The following AGO4 variants were observed in gnomAD, a reference collection of about 807,000 sequenced individuals.
The protein encoded by AGO4 is argonaute RISC component 4.
AGO4 carries 33 observed loss-of-function variants against 104.7 expected under a neutral mutation model. That is an observed-to-expected ratio of 0.32 (90% CI 0.24 to 0.42). AGO4 has a LOEUF of 0.42. Among genes scored for constraint, AGO4 ranks in the 10% least tolerant of loss-of-function variants. The pLI is 1.00. For missense variants in AGO4, 711 were observed against 1,083.4 expected (o/e 0.66, Z 4.83); for synonymous variants, 331 against 364.7 (o/e 0.91, Z 1.05).
chr1:35,844,185 G>T (rs1012877902), intron 15 of AGO4, among the ~76,000 whole-genome samples: 8 of 152,052 alleles, frequency 5.3e-5, no homozygotes, highest in African/African-American at 1.4e-4. Flanking sequence ...GGGACTACAG[G>T]CACTCACCAT....
chr1:35,826,766 C>T lies in AGO4; in HGVS notation c.779C>T (p.Thr260Ile). ...KEIRGLKVEV[T>I]HCGQMKRKYR... Reference sequence around the variant, plus strand: ...ATTTCAGGTCTCAAAGTTGAGGTGACCCACTGTGGACAGATGAAACGAAAA... The same window carrying T: ...ATTTCAGGTCTCAAAGTTGAGGTGATCCACTGTGGACAGATGAAACGAAAA... Residue 260 changes from threonine to isoleucine, a missense_variant, in exon 7 of 18, where the codon ACC becomes ATC. Around this residue, in one of 3 missense-constraint regions of AGO4, gnomAD observed 308 missense variants for 397.8 expected, o/e 0.77. Coordinates refer to ENST00000373210, the MANE Select transcript of AGO4 (RefSeq NM_017629.4). The T allele has an allele frequency of 6.2e-7, 1 of 1,614,086 alleles. No individual in the cohort carries two copies.
chr1:35,834,310 C>T (rs1420898281), intron 12 of AGO4, 136 bp downstream of exon 12: 2 of 749,246 alleles, frequency 2.7e-6, no homozygotes, highest in Non-Finnish European at 3.8e-6. Context: ...TTTCTTGCTC[C>T]TGTTATGCAT....
intron 2 of AGO4, among the ~76,000 whole-genome samples, chr1:35,818,622 T>C (rs1003307266): frequency 2.8e-5 from 3 of 108,140 alleles, no homozygotes; most frequent in African/African-American, 1.2e-4. Flanking sequence ...AGACTCTGTC[T>C]CAAAAAGAAA....
chr1:35,824,991 C>G (rs1643977289), intron 3 of AGO4, among the ~76,000 whole-genome samples: 1 of 152,116 alleles, frequency 6.6e-6, no homozygotes, highest in African/African-American at 2.4e-5. Context: ...CTTTCTGTCC[C>G]TTTAAATTTG....
chr1:35,812,591 CA>C (rs1283207368), intron 1 of AGO4, among the ~76,000 whole-genome samples: 2 of 151,974 alleles, frequency 1.3e-5, no homozygotes. Flanking sequence ...TTTCTTACAA[CA>C]TTTTTTTTCT....
intron 7 of AGO4, among the ~76,000 whole-genome samples, chr1:35,827,879 G>A (rs1216966207): frequency 7.0e-6 from 1 of 143,136 alleles, no homozygotes; most frequent in Non-Finnish European, 1.5e-5. Context: ...AGACTTCCAA[G>A]TAGTGGGATT....
chr1:35,826,673 A>T, intron 6 of AGO4, 75 bp from the exon 7 acceptor site: 1 of 1,255,776 alleles, frequency 8.0e-7, no homozygotes, highest in Non-Finnish European at 1.1e-6. Context: ...TGACATTTTG[A>T]AGACAACATT....
At chr1:35,832,606 C>G in intron 11 of AGO4, 36 bp downstream of exon 11, 1 of 1,604,732 alleles carries the variant, frequency 6.2e-7, no homozygotes. Context: ...AGTAATATCC[C>G]TTCCAGATAT....
intron 2 of AGO4, among the ~76,000 whole-genome samples, chr1:35,818,478 G>A (rs531552620): frequency 3.3e-5 from 5 of 152,146 alleles, no homozygotes; most frequent in Non-Finnish European, 7.4e-5. Context: ...ACAAAAATTA[G>A]CTGGGCATAG....
chr1:35,821,969 C>T (rs1201442708), intron 2 of AGO4, among the ~76,000 whole-genome samples: 1 of 151,804 alleles, frequency 6.6e-6, no homozygotes, highest in African/African-American at 2.4e-5. Context: ...CTCACTGCAA[C>T]CCCTGCCTCC....
Position 35,846,514 on chromosome 1 carries a change from G to A in AGO4, c.2176-3643G>A, listed in dbSNP as rs773592000. 5.9e-5 allele frequency among the ~76,000 whole-genome samples: 9 copies of A among 151,772 alleles called. No individual in the cohort carries two copies. In the South Asian group the frequency reaches 1.0e-3, roughly 18 times the overall value. ...CGGGAGGCTGAGACAGGAGAATGGCGTGAATCCGGGAGGTGGAGCTTGCAG... is the reference window on the plus strand; with the variant it reads ...CGGGAGGCTGAGACAGGAGAATGGCATGAATCCGGGAGGTGGAGCTTGCAG... On this transcript the variant is annotated intron_variant, in intron 15 of 17. Transcript: ENST00000373210.
At chr1:35,832,767 A>C (rs1644215292) in intron 11 of AGO4, among the ~76,000 whole-genome samples, 197 bp downstream of exon 11, 2 of 152,186 alleles carry the variant, frequency 1.3e-5, no homozygotes, top group Non-Finnish European at 2.9e-5. Flanking sequence ...CAGCTTCCTT[A>C]CATGTAGAGC....
At position 35,826,064 on chromosome 1, in the gene AGO4, A is replaced by C. The variant is rs1327842997; in HGVS notation, c.760+4A>C. 6.2e-7 allele frequency: 1 copy of C among 1,613,744 alleles called. No individual in the cohort carries two copies. Among genetic ancestry groups the C allele is most frequent in the Non-Finnish European group, 8.5e-7 (1 of 1,179,998 alleles). On this transcript the variant is annotated splice_donor_region_variant and intron_variant, in intron 6 of 17. Coordinates refer to ENST00000373210, the MANE Select transcript of AGO4 (RefSeq NM_017629.4). ...AAATTTACCAAAGAAATCAGAGGTA[A>C]GTGTTTGCATTAATGTAGTCTTGGA...
chr1:35,850,270 G>A lies in AGO4; in HGVS notation c.2277+12G>A, dbSNP rs371938074. ...ATGCAGGAATTCAGGTAATTTGGAAGCTGGTTCAGATCTTTGACTTGATAG... is the reference window on the plus strand; with the variant it reads ...ATGCAGGAATTCAGGTAATTTGGAAACTGGTTCAGATCTTTGACTTGATAG... On this transcript the variant is annotated intron_variant, in intron 16 of 17. Coordinates refer to ENST00000373210, the MANE Select transcript of AGO4 (RefSeq NM_017629.4). 250 of 1,602,472 alleles carry A rather than the reference G, an allele frequency of 1.6e-4. No homozygotes were observed. Among genetic ancestry groups the A allele is most frequent in the Non-Finnish European group, 2.1e-4 (245 of 1,169,496 alleles).
intron 1 of AGO4, among the ~76,000 whole-genome samples, chr1:35,816,236 T>A (rs1643689751): frequency 6.6e-6 from 1 of 152,216 alleles, no homozygotes; most frequent in South Asian, 2.1e-4. Flanking sequence ...GAGATAGTTT[T>A]TAAAATGCAT....
chr1:35,852,014 T>G (rs1222391972), intron 17 of AGO4, among the ~76,000 whole-genome samples: 1 of 152,094 alleles, frequency 6.6e-6, no homozygotes, highest in Non-Finnish European at 1.5e-5. Context: ...ATTTCATAGC[T>G]GGATGGATAG....
At chr1:35,840,736 G>C (rs977871646) in intron 13 of AGO4, among the ~76,000 whole-genome samples, 4 of 152,254 alleles carry the variant, frequency 2.6e-5, no homozygotes, top group African/African-American at 9.6e-5. Flanking sequence ...TTCTGCCTCA[G>C]CCTCCCAAGT....
In AGO4 at chr1:35,857,420, G is replaced by A. The variant is rs551750751; in HGVS notation, c.*3815G>A. ...TGAAAATGTTTGCATTTGTTCATTT[G>A]ACTAATGGTGTGATTTTTGTTTCTA... is the stretch of plus-strand genomic sequence containing the variant. On this transcript the variant is annotated 3_prime_UTR_variant, in exon 18 of 18. Transcript: ENST00000373210. 6 of 152,276 alleles carry A rather than the reference G, an allele frequency of 3.9e-5. No homozygotes were observed. In the East Asian group the frequency reaches 1.2e-3, roughly 29 times the overall value. 9.4% of individuals were successfully genotyped at this position (152,276 alleles called of 1,614,324 possible).
chr1:35,813,390 C>G (rs1292688015), intron 1 of AGO4, among the ~76,000 whole-genome samples: 1 of 147,604 alleles, frequency 6.8e-6, no homozygotes, highest in Non-Finnish European at 1.5e-5. Flanking sequence ...GCCTGGGTGA[C>G]AGAGCGAGAC....
Sources: gnomAD v4.1 joint callset for allele counts (sites outside exome capture counted in the v4.1 genomes callset) on GRCh38, gnomAD v4.1.1 for gene constraint, gnomAD v4.1.1 regional missense constraint, MANE v1.5 for transcripts, NCBI Gene and HGNC (gene_info 2026-07-23, HGNC 2026-07-21) for gene names.